TMEM132D: variants seen among roughly 807,000 people sequenced by gnomAD.
TMEM132D encodes the protein mature OL transmembrane protein.
In TMEM132D, 21 loss-of-function variants were observed where a neutral mutation model predicts 62.3. The ratio of observed to expected loss-of-function variants is 0.34; its 90% CI spans 0.24 to 0.49. TMEM132D has a LOEUF of 0.49. Among genes scored for constraint, TMEM132D ranks in the 20% least tolerant of loss-of-function variants. TMEM132D has a pLI of 0.99. For missense variants in TMEM132D, 1,346 were observed against 1,402.8 expected (o/e 0.96, Z 0.65); for synonymous variants, 621 against 575.6 (o/e 1.08, Z -1.13).
chr12:129,744,064 G>A (rs1259834586), intron 1 of TMEM132D, among the ~76,000 whole-genome samples: 1 of 152,192 alleles, frequency 6.6e-6, no homozygotes, highest in African/African-American at 2.4e-5. Context: ...GGGACTGGGT[G>A]TGGATTCTGT....
chr12:129,448,770 G>A (rs1056904860), intron 3 of TMEM132D, among the ~76,000 whole-genome samples: 4 of 152,198 alleles, frequency 2.6e-5, no homozygotes, highest in African/African-American at 9.7e-5. Context: ...TGCCCTGCGT[G>A]TTAACAGCCA....
chr12:129,175,691 ACAGTGAAACTC>A (rs764010094), intron 5 of TMEM132D, among the ~76,000 whole-genome samples: 10 of 152,146 alleles, frequency 6.6e-5, no homozygotes, highest in Non-Finnish European at 1.2e-4. Flanking sequence ...CTGGGCAAAA[ACAGTGAAACTC>A]CATCTCTAAA....
intron 1 of TMEM132D, among the ~76,000 whole-genome samples, chr12:129,721,466 G>C (rs1353650232): frequency 6.6e-6 from 1 of 152,164 alleles, no homozygotes; most frequent in Non-Finnish European, 1.5e-5. Flanking sequence ...TGCCCAGAAC[G>C]GGGAAGCTTC....
At chr12:129,412,875 T>C (rs1872008621) in intron 3 of TMEM132D, among the ~76,000 whole-genome samples, 1 of 151,878 alleles carries the variant, frequency 6.6e-6, no homozygotes, top group Admixed American at 6.6e-5. Context: ...CAACAACACA[T>C]GAGGAAGAAA....
At chr12:129,210,757 T>C (rs1378053999) in intron 4 of TMEM132D, among the ~76,000 whole-genome samples, 1 of 152,172 alleles carries the variant, frequency 6.6e-6, no homozygotes, top group South Asian at 2.1e-4. Context: ...GTCAAGTGCA[T>C]AAATAGGACT....
intron 3 of TMEM132D, among the ~76,000 whole-genome samples, chr12:129,519,919 GTT>G (rs1324543735): frequency 1.3e-5 from 2 of 152,076 alleles, no homozygotes; most frequent in African/African-American, 4.8e-5. Context: ...AAGAATGCTT[GTT>G]TTAAAGGTAT....
At chr12:129,541,634 G>C (rs1236250610) in intron 2 of TMEM132D, among the ~76,000 whole-genome samples, 2 of 152,122 alleles carry the variant, frequency 1.3e-5, no homozygotes, top group African/African-American at 4.8e-5. Context: ...AACACATTCT[G>C]AACTGCCCAC....
intron 1 of TMEM132D, among the ~76,000 whole-genome samples, chr12:129,886,556 T>C (rs1874754944): frequency 6.6e-6 from 1 of 152,296 alleles, no homozygotes; most frequent in African/African-American, 2.4e-5. Flanking sequence ...TAAACAGCAC[T>C]GATCTACATA....
At chr12:129,450,777 A>ATTTT (rs1873254902) in intron 3 of TMEM132D, among the ~76,000 whole-genome samples, 1 of 135,068 alleles carries the variant, frequency 7.4e-6, no homozygotes, top group Non-Finnish European at 1.5e-5. Flanking sequence ...TTTTTTTTGA[A>ATTTT]ACAGAGTCTC....
intron 1 of TMEM132D, among the ~76,000 whole-genome samples, chr12:129,850,006 A>G (rs1376541114): frequency 6.6e-6 from 1 of 152,232 alleles, no homozygotes; most frequent in Non-Finnish European, 1.5e-5. Flanking sequence ...GCATATAGCA[A>G]TAGTCTTCCA....
At chr12:129,672,901 C>A (rs1044161761) in intron 2 of TMEM132D, among the ~76,000 whole-genome samples, 1 of 152,116 alleles carries the variant, frequency 6.6e-6, no homozygotes, top group Admixed American at 6.5e-5. Flanking sequence ...GCGTGCACCA[C>A]CACGCCCAGC....
intron 2 of TMEM132D, among the ~76,000 whole-genome samples, chr12:129,574,970 G>A (rs1043857101): frequency 6.6e-6 from 1 of 151,706 alleles, no homozygotes. Context: ...TGCTTGCAGA[G>A]ACGCAGCCAG....
chr12:129,667,734 A>C (rs7132891), intron 2 of TMEM132D, among the ~76,000 whole-genome samples: 8,170 of 152,212 alleles, frequency 0.054, 636 homozygotes, highest in African/African-American at 0.17. Flanking sequence ...TATTTTGTAC[A>C]AAAATCATAC....
At chr12:129,401,252 A>G (rs1432427798) in intron 3 of TMEM132D, among the ~76,000 whole-genome samples, 1 of 152,178 alleles carries the variant, frequency 6.6e-6, no homozygotes, top group African/African-American at 2.4e-5. Context: ...ACCACCCCAT[A>G]TGCCAGCCTT....
At chr12:129,268,385 G>A (rs1880755737) in intron 4 of TMEM132D, among the ~76,000 whole-genome samples, 2 of 152,158 alleles carry the variant, frequency 1.3e-5, no homozygotes, top group Non-Finnish European at 2.9e-5. Context: ...GACATGAACA[G>A]ACACTTCTCA....
intron 3 of TMEM132D, among the ~76,000 whole-genome samples, chr12:129,415,186 C>T: frequency 6.6e-6 from 1 of 152,090 alleles, no homozygotes; most frequent in East Asian, 1.9e-4. Context: ...GGAAGTCCAC[C>T]CAGAAGTCAA....
intron 5 of TMEM132D, among the ~76,000 whole-genome samples, chr12:129,123,228 T>A (rs1876116193): frequency 6.6e-6 from 1 of 152,184 alleles, no homozygotes; most frequent in African/African-American, 2.4e-5. Flanking sequence ...AGGTATTACA[T>A]AGGTGGTTCA....
chr12:129,469,305 C>T (rs1874022584), intron 3 of TMEM132D, among the ~76,000 whole-genome samples: 2 of 152,186 alleles, frequency 1.3e-5, no homozygotes, highest in African/African-American at 4.8e-5. Flanking sequence ...ACCCTTAAAA[C>T]TTATTCATAG....
At chr12:129,155,848 C>T (rs1467414315) in intron 5 of TMEM132D, among the ~76,000 whole-genome samples, 6 of 151,878 alleles carry the variant, frequency 4.0e-5, no homozygotes, top group African/African-American at 1.4e-4. Context: ...TCCTGTGATA[C>T]CCAACACACT....
Sources: gnomAD v4.1 joint callset for allele counts (sites outside exome capture counted in the v4.1 genomes callset) on GRCh38, gnomAD v4.1.1 for gene constraint, MANE v1.5 for transcripts, NCBI Gene and HGNC (gene_info 2026-07-23, HGNC 2026-07-21) for gene names.